Variants in CAPN7 observed in about 807,000 individuals in gnomAD.
CAPN7 encodes calpain 7, also known as calpain-7.
Under a neutral mutation model 115.2 loss-of-function variants are expected in CAPN7, and 72 were observed. The ratio of observed to expected loss-of-function variants is 0.63; its 90% CI spans 0.52 to 0.76. The LOEUF (loss-of-function observed/expected upper bound fraction) is 0.76, where lower values mean the gene tolerates loss of function less well. CAPN7 is among the 30% of genes least tolerant of loss of function. The pLI is 0.00. For missense variants in CAPN7, 905 were observed against 971.5 expected, an observed-to-expected ratio of 0.93 and a Z score of 0.91; for synonymous variants, 344 against 322.3, an observed-to-expected ratio of 1.07 and a Z score of -0.72.
At chr3:15,247,650 G>A (rs1278175147) in intron 19 of CAPN7, among the ~76,000 whole-genome samples, 193 bp downstream of exon 19, 1 of 152,068 alleles carries the variant, frequency 6.6e-6, no homozygotes, top group Non-Finnish European at 1.5e-5. Context: ...TGTAAAAAGG[G>A]TAATTAGAAC....
Position 15,235,151 on chromosome 3 carries a change from G to A in CAPN7, c.1407+6G>A, listed in dbSNP as rs770538371. 5 of 1,578,974 alleles carry A rather than the reference G, an allele frequency of 3.2e-6. No individual in the cohort carries two copies. The highest frequency in any genetic ancestry group is 2.2e-5 in the East Asian group (1 of 44,472). ...TGGATATTAGAGAGTTCAAGGTTTT[G>A]CCTTAAATCTTTTTCTTTTATTTTT... On this transcript the variant is annotated splice_donor_region_variant and intron_variant, in intron 12 of 20. Transcript: ENST00000253693.
At position 15,251,478 on chromosome 3, in the gene CAPN7, G is replaced by A; in HGVS notation, c.*218G>A. 3 of 381,628 alleles carry A rather than the reference G, an allele frequency of 7.9e-6. No homozygotes were observed. Among genetic ancestry groups the A allele is most frequent in the South Asian group, 7.5e-5 (1 of 13,354 alleles). 23.6% of individuals were successfully genotyped at this position (381,628 alleles called of 1,614,324 possible). On this transcript the variant is annotated 3_prime_UTR_variant, in exon 21 of 21. Coordinates refer to ENST00000253693, the MANE Select transcript of CAPN7 (RefSeq NM_014296.3). Reference sequence around the variant, plus strand: ...AGAGGTACCGTTTACATGGTTTTGTGTATATAGAGTTGGCTTGCATTTTAG... The same window carrying A: ...AGAGGTACCGTTTACATGGTTTTGTATATATAGAGTTGGCTTGCATTTTAG...
intron 1 of CAPN7, chr3:15,210,799 T>A: frequency 7.8e-7 from 1 of 1,289,496 alleles, no homozygotes; most frequent in Non-Finnish European, 1.0e-6. Flanking sequence ...TTAATTTTGT[T>A]AGGTTCAGTG....
chr3:15,248,228 G>A (rs1461714234), intron 19 of CAPN7, among the ~76,000 whole-genome samples: 1 of 151,564 alleles, frequency 6.6e-6, no homozygotes. Flanking sequence ...ATTATAAAGG[G>A]GGCAATCCAG....
chr3:15,212,342 A>G (rs1190472243), intron 2 of CAPN7, 130 bp downstream of exon 2: 1 of 543,884 alleles, frequency 1.8e-6, no homozygotes, highest in African/African-American at 1.9e-5. Flanking sequence ...TGCTCATTCC[A>G]CTTTTGGTAA....
chr3:15,237,241 G>T (rs949281759), intron 12 of CAPN7, among the ~76,000 whole-genome samples: 1 of 144,654 alleles, frequency 6.9e-6, no homozygotes, highest in Non-Finnish European at 1.5e-5. Flanking sequence ...GCTTTTTTCT[G>T]TTAATTTTTT....
chr3:15,228,001 C>T (rs778875307), intron 7 of CAPN7, 36 bp downstream of exon 7: 1 of 1,370,414 alleles, frequency 7.3e-7, no homozygotes, highest in Non-Finnish European at 9.5e-7. Flanking sequence ...ATAGAAAAGT[C>T]AGCATTTTAA....
intron 8 of CAPN7, among the ~76,000 whole-genome samples, chr3:15,229,568 T>TC (rs1295992483): frequency 3.8e-5 from 3 of 79,812 alleles, no homozygotes; most frequent in East Asian, 4.8e-4. Context: ...TTTCTTTTTT[T>TC]TTTTTTTTTT....
chr3:15,212,327 G>A, intron 2 of CAPN7, 115 bp downstream of exon 2: 1 of 579,356 alleles, frequency 1.7e-6, no homozygotes, highest in Non-Finnish European at 3.0e-6. Context: ...TGCTCACTCT[G>A]TTGCTGCTCA....
intron 12 of CAPN7, among the ~76,000 whole-genome samples, 160 bp downstream of exon 12, chr3:15,235,305 A>G (rs183821426): frequency 4.6e-4 from 70 of 152,348 alleles, no homozygotes; most frequent in Admixed American, 1.8e-3. Flanking sequence ...GTTGAAAATT[A>G]TGAAATTAAA....
chr3:15,217,948 T>C (rs146920688), intron 3 of CAPN7, among the ~76,000 whole-genome samples: 102 of 152,346 alleles, frequency 6.7e-4, no homozygotes, highest in Admixed American at 1.2e-3. Context: ...GCCTTACTTA[T>C]TTGCAGTGTA....
intron 11 of CAPN7, 54 bp downstream of exon 11, chr3:15,234,027 T>A: frequency 1.0e-6 from 1 of 1,004,340 alleles, no homozygotes; most frequent in Non-Finnish European, 1.6e-6. Flanking sequence ...TTTAAAAACA[T>A]CATGCTGGCT....
chr3:15,213,725 C>T (rs960514162), intron 2 of CAPN7, among the ~76,000 whole-genome samples: 1 of 152,008 alleles, frequency 6.6e-6, no homozygotes, highest in African/African-American at 2.4e-5. Flanking sequence ...ATTATTCTTA[C>T]TTTATATTAA....
At chr3:15,213,687 A>G (rs2045076519) in intron 2 of CAPN7, among the ~76,000 whole-genome samples, 1 of 152,196 alleles carries the variant, frequency 6.6e-6, no homozygotes, top group Non-Finnish European at 1.5e-5. Flanking sequence ...AATAAATATG[A>G]ATCATTTTTT....
intron 1 of CAPN7, among the ~76,000 whole-genome samples, chr3:15,210,636 C>G (rs2044886417): frequency 8.7e-6 from 1 of 114,338 alleles, no homozygotes; most frequent in South Asian, 2.4e-4. Flanking sequence ...ACTCTGTCAC[C>G]CAGGCTGGAG....
At chr3:15,241,723 G>A in intron 15 of CAPN7, 135 bp downstream of exon 15, 2 of 679,656 alleles carry the variant, frequency 2.9e-6, no homozygotes, top group Non-Finnish European at 4.7e-6. Context: ...TCAGATAAAT[G>A]AATATTTTCC....
At chr3:15,232,734 A>C (rs562073194) in intron 10 of CAPN7, 69 bp downstream of exon 10, 2 of 1,330,566 alleles carry the variant, frequency 1.5e-6, no homozygotes, top group South Asian at 3.3e-5. Context: ...AAATTTGAAA[A>C]ATTCTAGATA....
In CAPN7 at chr3:15,210,418, G is replaced by A. The variant is rs1488198077; in HGVS notation, c.103-1686G>A. ...TATTGGATTTAAGTGTAGTTACAAT[G>A]TATTTAGATAATGATGGTATGTAAG... On this transcript the variant is annotated intron_variant, in intron 1 of 20. Transcript: ENST00000253693. Among the ~76,000 whole-genome samples the A allele has an allele frequency of 2.6e-5, 4 of 151,932 alleles. No homozygotes were observed. In the East Asian group the frequency reaches 7.7e-4, roughly 29 times the overall value.
intron 12 of CAPN7, 34 bp downstream of exon 12, chr3:15,235,179 T>C (rs1343027383): frequency 1.9e-6 from 3 of 1,563,846 alleles, no homozygotes; most frequent in Non-Finnish European, 1.7e-6. Context: ...TTATTTTTCT[T>C]GTTGGATAAG....
Sources: allele counts gnomAD v4.1 joint callset (sites outside exome capture counted in the v4.1 genomes callset), GRCh38; gene constraint gnomAD v4.1.1; transcripts MANE v1.5; gene names NCBI Gene and HGNC (gene_info 2026-07-23, HGNC 2026-07-21).